Variants in RPS6KA2 observed in about 807,000 individuals in gnomAD.
RPS6KA2 encodes the protein ribosomal protein S6 kinase A2, also known as ribosomal protein S6 kinase alpha-2.
Under a neutral mutation model 91.8 loss-of-function variants are expected in RPS6KA2, and 42 were observed. The ratio of observed to expected loss-of-function variants is 0.46; its 90% CI spans 0.36 to 0.59. RPS6KA2 has a LOEUF of 0.59. RPS6KA2 is among the 20% of genes least tolerant of loss of function. RPS6KA2 has a pLI of 0.00. For missense variants in RPS6KA2, 798 were observed against 978.5 expected (o/e 0.82, Z 2.46); for synonymous variants, 414 against 393.6 (o/e 1.05, Z -0.61).
intron 2 of RPS6KA2, among the ~76,000 whole-genome samples, chr6:166,842,213 C>A (rs535828574): frequency 6.6e-6 from 1 of 152,328 alleles, no homozygotes; most frequent in Non-Finnish European, 1.5e-5. Context: ...TCGAATTATG[C>A]TCCCCAAAAG....
chr6:166,796,460 G>A (rs1247724144), intron 2 of RPS6KA2, among the ~76,000 whole-genome samples: 3 of 152,078 alleles, frequency 2.0e-5, no homozygotes, highest in Non-Finnish European at 4.4e-5. Context: ...GTGGTGGCAC[G>A]CACCTGTAAT....
In RPS6KA2 at chr6:166,648,042, A is replaced by C. The variant is rs894801203; in HGVS notation, c.124-109258T>G. 1.3e-5 allele frequency among the ~76,000 whole-genome samples: 2 copies of C among 151,196 alleles called. No homozygotes were observed. Among genetic ancestry groups the C allele is most frequent in the Admixed American group, 1.3e-4 (2 of 15,158 alleles). On this transcript the variant is annotated intron_variant, in intron 2 of 21. Coordinates refer to the RPS6KA2 transcript ENST00000503859. The surrounding 1 kb of genome is among the most constrained non-coding windows in gnomAD (Gnocchi z 4.8). ...CACACATACATACACACATGCTCTCACACACATGCACATGCTCACACACAT... is the reference window on the plus strand; with the variant it reads ...CACACATACATACACACATGCTCTCCCACACATGCACATGCTCACACACAT...
chr6:166,834,115 A>G (rs1780256856), intron 2 of RPS6KA2, among the ~76,000 whole-genome samples: 2 of 152,132 alleles, frequency 1.3e-5, no homozygotes, highest in South Asian at 2.1e-4. Flanking sequence ...TTGCCCAACT[A>G]TTTTCCAAAG....
At chr6:166,613,809 T>C (rs9355588) in intron 1 of RPS6KA2, among the ~76,000 whole-genome samples, 22,716 of 104,194 alleles carry the variant, frequency 0.22, 2,163 homozygotes, top group East Asian at 0.34. Context: ...GTCGGGCTTT[T>C]CACGGCCTTC....
At chr6:166,562,673 AAAG>A (rs1784378146) in intron 1 of RPS6KA2, among the ~76,000 whole-genome samples, 1 of 152,214 alleles carries the variant, frequency 6.6e-6, no homozygotes, top group South Asian at 2.1e-4. Context: ...ACCTGGCGGG[AAAG>A]ACAAACCCGT....
intron 2 of RPS6KA2, among the ~76,000 whole-genome samples, chr6:166,856,331 C>T (rs145014542): frequency 5.9e-5 from 9 of 152,300 alleles, no homozygotes; most frequent in African/African-American, 2.2e-4. Context: ...CCTTCCACCA[C>T]GTGAGGACAA....
intron 2 of RPS6KA2, among the ~76,000 whole-genome samples, chr6:166,651,758 G>A (rs530999168): frequency 3.0e-4 from 46 of 152,356 alleles, no homozygotes; most frequent in African/African-American, 1.1e-3. Flanking sequence ...TCACAGGCAC[G>A]TATACAACAC....
At chr6:166,457,932 A>T (rs1348597933) in intron 12 of RPS6KA2, among the ~76,000 whole-genome samples, 2 of 152,226 alleles carry the variant, frequency 1.3e-5, no homozygotes, top group African/African-American at 2.4e-5. Context: ...GCGAGAAAAA[A>T]TACAGTGAAT....
chr6:166,631,823 GAGAC>G (rs542924500), upstream of RPS6KA2, among the ~76,000 whole-genome samples: 13 of 152,348 alleles, frequency 8.5e-5, no homozygotes, highest in South Asian at 2.5e-3. Context: ...CAGCGGAGCA[GAGAC>G]AGACCAGAGA....
intron 1 of RPS6KA2, among the ~76,000 whole-genome samples, chr6:166,593,193 T>C (rs1785413164): frequency 6.6e-6 from 1 of 152,206 alleles, no homozygotes; most frequent in Admixed American, 6.5e-5. Flanking sequence ...AACATATACT[T>C]TTGGATTCTA....
chr6:166,437,743 T>C lies in RPS6KA2; in HGVS notation c.1333-5253A>G, dbSNP rs763410283. 3.3e-5 allele frequency among the ~76,000 whole-genome samples: 5 copies of C among 152,146 alleles called. No individual in the cohort carries two copies. The highest frequency in any genetic ancestry group is 5.9e-5 in the Non-Finnish European group (4 of 68,034). On this transcript the variant is annotated intron_variant, in intron 14 of 20. Coordinates refer to ENST00000265678, the MANE Select transcript of RPS6KA2 (RefSeq NM_021135.6). This position sits in a 1 kb window ranked among gnomAD's most constrained non-coding sequence, Gnocchi z 4.3. ...TCCTGAGCACGGACACATGCAGCCA[T>C]GTGCCAAACAAACACTGCCATTCCT...
chr6:166,451,727 G>C (rs953305789), intron 12 of RPS6KA2, among the ~76,000 whole-genome samples: 3 of 152,232 alleles, frequency 2.0e-5, no homozygotes, highest in Non-Finnish European at 4.4e-5. Context: ...CTGTGCACGT[G>C]CTCTGCTCTC....
In RPS6KA2 at chr6:166,412,607, T is replaced by C; in HGVS notation, c.*155A>G. On this transcript the variant is annotated 3_prime_UTR_variant, in exon 21 of 21. Transcript: ENST00000265678. This position sits in a 1 kb window ranked among gnomAD's most constrained non-coding sequence, Gnocchi z 4.3. ...GAGAAGCCCCCAGGTCAGGACCCTC[T>C]CCGGGGCTGAAAAAGAAAACACGGA... 1 of 730,726 alleles carries C rather than the reference T, an allele frequency of 1.4e-6. No individual in the cohort carries two copies. The allele number at this position is 730,726 out of a possible 1,614,324, so 45.3% of individuals were successfully genotyped here.
intron 7 of RPS6KA2, among the ~76,000 whole-genome samples, chr6:166,499,564 G>A (rs1487924015): frequency 6.6e-6 from 1 of 152,202 alleles, no homozygotes; most frequent in Non-Finnish European, 1.5e-5. Flanking sequence ...CACGAGATCT[G>A]ATGGTTTTAT....
intron 2 of RPS6KA2, among the ~76,000 whole-genome samples, chr6:166,718,436 T>C (rs1321154244): frequency 6.6e-6 from 1 of 152,188 alleles, no homozygotes; most frequent in Non-Finnish European, 1.5e-5. Flanking sequence ...TTGGAGATCA[T>C]TTTCCCCTTA....
At chr6:166,516,450 A>G (rs988911831) in intron 3 of RPS6KA2, among the ~76,000 whole-genome samples, 4 of 152,202 alleles carry the variant, frequency 2.6e-5, no homozygotes, top group African/African-American at 7.2e-5. Flanking sequence ...GAGTGACTGC[A>G]CACAGTGGGA....
chr6:166,487,386 C>A (rs1781447915), intron 10 of RPS6KA2, among the ~76,000 whole-genome samples: 2 of 152,136 alleles, frequency 1.3e-5, no homozygotes, highest in African/African-American at 4.8e-5. Flanking sequence ...CACTGTGTCA[C>A]CTGCTCTCCT....
rs909148335 is a variant in RPS6KA2, at chr6:166,821,261, A to G, written c.123+36939T>C. Among the ~76,000 whole-genome samples the G allele has an allele frequency of 1.3e-5, 2 of 152,094 alleles. No homozygotes were observed. The highest frequency in any genetic ancestry group is 2.9e-5 in the Non-Finnish European group (2 of 68,026). ...AGAGGTGATCGGGTAACACCGAGAC[A>G]AGGATTTCTCTTTCTTTCCAGCAGG... On this transcript the variant is annotated intron_variant, in intron 2 of 21. Coordinates refer to the RPS6KA2 transcript ENST00000503859. This position sits in a 1 kb window ranked among gnomAD's most constrained non-coding sequence, Gnocchi z 4.1.
rs1779751505 is a variant in RPS6KA2, at chr6:166,448,590, G to A, written c.1332+134C>T. ...GCTCCTATGCTCCGTGCTCCCATGT[G>A]CTGTACATGCTCCCACACGCTGCAC... On this transcript the variant is annotated intron_variant, in intron 14 of 20. Coordinates refer to ENST00000265678, the MANE Select transcript of RPS6KA2 (RefSeq NM_021135.6). The surrounding 1 kb of genome is among the most constrained non-coding windows in gnomAD (Gnocchi z 4.7). 2 of 1,135,766 alleles carry A rather than the reference G, an allele frequency of 1.8e-6. No homozygotes were observed. Among genetic ancestry groups the A allele is most frequent in the Non-Finnish European group, 1.2e-6 (1 of 811,420 alleles). The allele number at this position is 1,135,766 out of a possible 1,614,324, so 70.4% of individuals were successfully genotyped here.
Sources: gnomAD v4.1 joint callset for allele counts (sites outside exome capture counted in the v4.1 genomes callset) on GRCh38, gnomAD v4.1.1 for gene constraint, Gnocchi (gnomAD v3.1) non-coding constraint, MANE v1.5 for transcripts, NCBI Gene and HGNC (gene_info 2026-07-23, HGNC 2026-07-21) for gene names.